ZC3H12B: variants seen among roughly 807,000 people sequenced by gnomAD.
ZC3H12B encodes zinc finger CCCH-type containing 12B.
Under a neutral mutation model 43.9 loss-of-function variants are expected in ZC3H12B, and 7 were observed. That is an observed-to-expected ratio of 0.16 (90% CI 0.09 to 0.30). ZC3H12B has a LOEUF of 0.30. Ranked by LOEUF, ZC3H12B falls within the 10% of genes least tolerant of loss-of-function variation. ZC3H12B has a pLI of 1.00. For synonymous variants in ZC3H12B, 222 were observed against 241.7 expected, an observed-to-expected ratio of 0.92 and a Z score of 0.76; for missense variants, 475 against 670.2, an observed-to-expected ratio of 0.71 and a Z score of 3.22.
the ZC3H12B span, among the ~76,000 whole-genome samples, chrX:65,106,052 G>A: frequency 3.3e-4 from 37 of 111,842 alleles, no homozygotes; most frequent in African/African-American, 1.0e-3. Flanking sequence ...TCATTTAATT[G>A]GTTGTGGCCT....
the ZC3H12B span, among the ~76,000 whole-genome samples, chrX:65,178,352 G>A: frequency 9.0e-6 from 1 of 111,626 alleles, no homozygotes; most frequent in African/African-American, 3.3e-5. Flanking sequence ...CATACGTATG[G>A]GCAAAGACTT....
At chrX:65,252,583 G>T in the ZC3H12B span, among the ~76,000 whole-genome samples, 1 of 111,681 alleles carries the variant, frequency 9.0e-6, no homozygotes, top group Non-Finnish European at 1.9e-5. Context: ...AAGTGGTAGG[G>T]CTGCATAGTG....
At chrX:65,221,354 A>T in the ZC3H12B span, among the ~76,000 whole-genome samples, 1 of 111,787 alleles carries the variant, frequency 8.9e-6, no homozygotes, top group Non-Finnish European at 1.9e-5. Flanking sequence ...GAGCCGAACT[A>T]AGTGAAATCG....
At chrX:65,163,050 T>A in the ZC3H12B span, among the ~76,000 whole-genome samples, 3 of 111,892 alleles carry the variant, frequency 2.7e-5, no homozygotes, top group Non-Finnish European at 5.6e-5. Flanking sequence ...CCTGTTTGCC[T>A]GGGAGTCAGC....
chrX:65,243,920 A>G, the ZC3H12B span, among the ~76,000 whole-genome samples: 4 of 112,088 alleles, frequency 3.6e-5, no homozygotes, highest in Non-Finnish European at 5.6e-5. Context: ...AGCTAATACA[A>G]AATTAAACTC....
At chrX:65,085,623 T>A in the ZC3H12B span, among the ~76,000 whole-genome samples, 1 of 109,758 alleles carries the variant, frequency 9.1e-6, no homozygotes, top group Non-Finnish European at 1.9e-5. Flanking sequence ...AAATAAAAAA[T>A]TAGCCAGGCC....
exon 1 of ZC3H12B, chrX:65,488,986 C>A: frequency 8.3e-7 from 1 of 1,211,295 alleles, no homozygotes; most frequent in Non-Finnish European, 1.1e-6. Context: ...AGCTGCCAAC[C>A]TAGGGATGGT....
the ZC3H12B span, among the ~76,000 whole-genome samples, chrX:65,153,897 G>T: frequency 5.4e-5 from 6 of 111,010 alleles, no homozygotes; most frequent in Non-Finnish European, 9.4e-5. Context: ...ATACTATGCA[G>T]CCATAAAAAA....
At chrX:65,433,384 T>C (rs1038917094) in intron 3 of ZC3H12B, among the ~76,000 whole-genome samples, 1 of 111,666 alleles carries the variant, frequency 9.0e-6, no homozygotes, top group Non-Finnish European at 1.9e-5. Flanking sequence ...TAGAGGCAGG[T>C]CTAATGGCTT....
At chrX:65,043,735 A>T in the ZC3H12B span, among the ~76,000 whole-genome samples, 1 of 111,874 alleles carries the variant, frequency 8.9e-6, no homozygotes. Flanking sequence ...AGAAGCCCAT[A>T]GGTAATATCT....
At chrX:65,124,647 C>A in the ZC3H12B span, among the ~76,000 whole-genome samples, 1 of 110,401 alleles carries the variant, frequency 9.1e-6, no homozygotes, top group African/African-American at 3.3e-5. Context: ...TTTTAAATTA[C>A]CATTTCAATC....
At chrX:65,253,839 G>C in the ZC3H12B span, among the ~76,000 whole-genome samples, 10 of 111,994 alleles carry the variant, frequency 8.9e-5, no homozygotes, top group African/African-American at 3.2e-4. Context: ...CAGCCTCCCC[G>C]AAGCTGTTTT....
the ZC3H12B span, among the ~76,000 whole-genome samples, chrX:65,098,034 A>G: frequency 1.8e-5 from 2 of 111,330 alleles, no homozygotes; most frequent in East Asian, 2.8e-4. Flanking sequence ...TTAAAACACC[A>G]TTTTGTTTTT....
At chrX:65,349,127 G>A in the ZC3H12B span, among the ~76,000 whole-genome samples, 2 of 111,430 alleles carry the variant, frequency 1.8e-5, no homozygotes, top group African/African-American at 3.3e-5. Flanking sequence ...AAAGTAAAAC[G>A]CTCCTCAGCA....
At chrX:65,302,355 G>T in the ZC3H12B span, among the ~76,000 whole-genome samples, 1 of 111,143 alleles carries the variant, frequency 9.0e-6, no homozygotes, top group Non-Finnish European at 1.9e-5. Context: ...AAAGTCAATT[G>T]CTTTCCTACA....
At chrX:65,358,304 A>T in the ZC3H12B span, among the ~76,000 whole-genome samples, 2 of 111,749 alleles carry the variant, frequency 1.8e-5, no homozygotes, top group Non-Finnish European at 1.9e-5. Flanking sequence ...GATATTCAGG[A>T]CTTAAACTCG....
At chrX:65,196,824 C>T in the ZC3H12B span, among the ~76,000 whole-genome samples, 1 of 111,528 alleles carries the variant, frequency 9.0e-6, no homozygotes, top group East Asian at 2.8e-4. Context: ...GGAGGTTTTA[C>T]CGGAGCCTCC....
At chrX:65,380,291 G>A (rs866719692) in intron 2 of ZC3H12B, among the ~76,000 whole-genome samples, 5 of 111,866 alleles carry the variant, frequency 4.5e-5, no homozygotes, top group Non-Finnish European at 9.4e-5. Flanking sequence ...GAAGAGAGTG[G>A]GGGCCAATAT....
At chrX:65,096,544 G>T in the ZC3H12B span, among the ~76,000 whole-genome samples, 1 of 111,669 alleles carries the variant, frequency 9.0e-6, no homozygotes, top group Non-Finnish European at 1.9e-5. Context: ...AATAGACTGG[G>T]TATTGTTGAG....
Sources: gnomAD v4.1 joint callset for allele counts (sites outside exome capture counted in the v4.1 genomes callset) on GRCh38, gnomAD v4.1.1 for gene constraint, MANE v1.5 for transcripts, NCBI Gene and HGNC (gene_info 2026-07-23, HGNC 2026-07-21) for gene names.